UBE2A: variants seen among roughly 807,000 people sequenced by gnomAD.
UBE2A encodes the protein ubiquitin-conjugating enzyme E2 A.
For missense variants in UBE2A, 27 were observed against 125.8 expected, an observed-to-expected ratio of 0.21 and a Z score of 3.76; for synonymous variants, 39 against 41.1, an observed-to-expected ratio of 0.95 and a Z score of 0.20.
chrX:119,582,449 T>C (rs2053455957), intron 4 of UBE2A, 139 bp from the exon 5 acceptor site: 1 of 425,745 alleles, frequency 2.3e-6, no homozygotes, highest in African/African-American at 2.5e-5. Context: ...GACTTATCTT[T>C]TTAGGCAGTT....
At chrX:119,583,049 A>C (rs1279496305) in intron 5 of UBE2A, 78 bp from the exon 6 acceptor site, 12 of 1,144,077 alleles carry the variant, frequency 1.0e-5, no homozygotes, top group Non-Finnish European at 1.4e-5. Context: ...TACTTAGGAC[A>C]ATTCAATTGA....
At position 119,583,581 on chromosome X, in the gene UBE2A, G is replaced by A. The variant is rs780987698; in HGVS notation, c.*326G>A. On this transcript the variant is annotated 3_prime_UTR_variant, in exon 6 of 6. Transcript: ENST00000371558. ...TTTAAGATGAATTGTTATACAAGAGGTGCTTATGCTTAGCTTGATGACCAG... is the reference window on the plus strand; with the variant it reads ...TTTAAGATGAATTGTTATACAAGAGATGCTTATGCTTAGCTTGATGACCAG... 4.1e-6 allele frequency: 1 copy of A among 243,755 alleles called. No individual in the cohort carries two copies. Among genetic ancestry groups the A allele is most frequent in the South Asian group, 6.3e-5 (1 of 15,949 alleles). The allele number at this position is 243,755 out of a possible 1,213,427, so 20.1% of individuals were successfully genotyped here.
intron 3 of UBE2A, chrX:119,581,289 G>A: frequency 6.3e-6 from 2 of 317,674 alleles, no homozygotes; most frequent in Non-Finnish European, 5.6e-6. Flanking sequence ...TATGATGGCT[G>A]TCTCCAAGTT....
Position 119,583,782 on chromosome X carries a change from A to T in UBE2A, c.*527A>T, listed in dbSNP as rs764736882. On this transcript the variant is annotated 3_prime_UTR_variant, in exon 6 of 6. Transcript: ENST00000371558. ...AAAAATCCTGTGATACTAAGATCTC[A>T]GTCATATGAATTACAACGTAGTATT... is the stretch of plus-strand genomic sequence containing the variant. The T allele has an allele frequency of 8.2e-6, 1 of 121,847 alleles. No homozygotes were observed. Among genetic ancestry groups the T allele is most frequent in the Non-Finnish European group, 1.7e-5 (1 of 59,063 alleles). The allele number at this position is 121,847 out of a possible 1,213,427, so 10.0% of individuals were successfully genotyped here.
At chrX:119,575,673 T>C (rs1363318475) in intron 3 of UBE2A, 4 of 344,284 alleles carry the variant, frequency 1.2e-5, no homozygotes, top group Admixed American at 4.6e-5. Context: ...TTAAGGATTT[T>C]TGAGGCTTGG....
At chrX:119,575,149 G>T in intron 2 of UBE2A, 168 bp downstream of exon 2, 2 of 766,991 alleles carry the variant, frequency 2.6e-6, no homozygotes. Flanking sequence ...CTCAGTTCCC[G>T]CTGCCAGGGG....
At chrX:119,576,268 C>T (rs188561169) in intron 3 of UBE2A, among the ~76,000 whole-genome samples, 97 of 111,714 alleles carry the variant, frequency 8.7e-4, no homozygotes, top group African/African-American at 3.1e-3. Flanking sequence ...CCCAAACCCT[C>T]CCATTTGGTA....
At position 119,583,625 on chromosome X, in the gene UBE2A, A is replaced by G. The variant is rs1036914257; in HGVS notation, c.*370A>G. 3.5e-5 allele frequency: 7 copies of G among 202,000 alleles called. No individual in the cohort carries two copies. Among genetic ancestry groups the G allele is most frequent in the African/African-American group, 1.8e-4 (6 of 33,657 alleles). The allele number at this position is 202,000 out of a possible 1,213,427, so 16.6% of individuals were successfully genotyped here. On this transcript the variant is annotated 3_prime_UTR_variant, in exon 6 of 6. Coordinates refer to ENST00000371558, the MANE Select transcript of UBE2A (RefSeq NM_003336.4). ...TGACCAGGATGTTATTTTTAACAAA[A>G]TGATTGCTGAAGTGTTTCATCCTGG...
chrX:119,580,138 G>A (rs2053441322), intron 3 of UBE2A, among the ~76,000 whole-genome samples: 2 of 111,492 alleles, frequency 1.8e-5, no homozygotes, highest in South Asian at 7.5e-4. Context: ...CTTCAGGTCT[G>A]GCTTTGAAAA....
chrX:119,575,178 G>A, intron 2 of UBE2A, 197 bp downstream of exon 2: 1 of 746,166 alleles, frequency 1.3e-6, no homozygotes, highest in Admixed American at 2.7e-5. Context: ...TGGGGTTCTA[G>A]GGGGGCGGGG....
chrX:119,582,713 AAT>A lies in UBE2A; in HGVS notation c.330+40_330+41del, dbSNP rs764588536. On this transcript the variant is annotated intron_variant, in intron 5 of 5. Transcript: ENST00000371558. Reference sequence around the variant, plus strand: ...CTTAATGTGACGAACTATAACTTTTAATATGTTTATATTAGCAATTGAATTGT... The same window carrying A: ...CTTAATGTGACGAACTATAACTTTTAATGTTTATATTAGCAATTGAATTGT... The A allele has an allele frequency of 8.9e-6, 9 of 1,007,902 alleles. No homozygotes were observed. The Admixed American group carries it at 1.8e-4, about 20-fold the overall frequency. 83.1% of individuals were successfully genotyped at this position (1,007,902 alleles called of 1,213,427 possible). A position where few individuals can be genotyped will look rare whatever the true frequency, so the allele number is the denominator to read the frequency against.
At chrX:119,575,493 C>T (rs1266605198) in intron 3 of UBE2A, 93 bp downstream of exon 3, 1 of 1,099,417 alleles carries the variant, frequency 9.1e-7, no homozygotes, top group Non-Finnish European at 1.3e-6. Flanking sequence ...GCTTAGGAAC[C>T]TGCCTCTGCC....
chrX:119,574,827 C>T (rs2053403181), intron 1 of UBE2A, 72 bp downstream of exon 1: 2 of 1,187,997 alleles, frequency 1.7e-6, no homozygotes, highest in Non-Finnish European at 2.3e-6. Flanking sequence ...GCGCGCCGGG[C>T]GGGGAGGGCT....
At chrX:119,574,835 G>C (rs961219654) in intron 1 of UBE2A, 66 bp from the exon 2 acceptor site, 16 of 1,204,120 alleles carry the variant, frequency 1.3e-5, no homozygotes, top group Non-Finnish European at 1.7e-5. Context: ...GGCGGGGAGG[G>C]CTGGGGAGCG....
intron 1 of UBE2A, 25 bp downstream of exon 1, chrX:119,574,780 C>CG: frequency 4.2e-6 from 5 of 1,182,700 alleles, no homozygotes; most frequent in Non-Finnish European, 5.7e-6. Context: ...CGGCCGAGGC[C>CG]GGGGGTTGCG....
chrX:119,576,508 C>T (rs938908295), intron 3 of UBE2A, among the ~76,000 whole-genome samples: 65 of 110,652 alleles, frequency 5.9e-4, no homozygotes, highest in Non-Finnish European at 1.0e-3. Context: ...CATTTATACA[C>T]ACACACACAC....
chrX:119,581,376 C>A, intron 3 of UBE2A, 131 bp from the exon 4 acceptor site: 1 of 448,239 alleles, frequency 2.2e-6, no homozygotes, highest in Non-Finnish European at 3.9e-6. Flanking sequence ...TATTTCTTAC[C>A]TGGCCTTTCC....
In UBE2A at chrX:119,574,583, A is replaced by T; in HGVS notation, c.-129A>T. On this transcript the variant is annotated 5_prime_UTR_variant, in exon 1 of 6. Transcript: ENST00000371558. The stretch of plus-strand genomic sequence containing the variant: ...GCGCCAGACCGACCCTCGACTTCGG[A>T]GAGGCAGCGCGGTTCCTCTGGGTGC... 5 of 927,398 alleles carry T rather than the reference A, an allele frequency of 5.4e-6. No homozygotes were observed. The highest frequency in any genetic ancestry group is 7.5e-6 in the Non-Finnish European group (5 of 663,128). 76.4% of individuals were successfully genotyped at this position (927,398 alleles called of 1,213,427 possible). A position where few individuals can be genotyped will look rare whatever the true frequency, so the allele number is the denominator to read the frequency against.
intron 4 of UBE2A, 88 bp from the exon 5 acceptor site, chrX:119,582,500 A>G: frequency 1.4e-6 from 1 of 698,211 alleles, no homozygotes. Context: ...TTCAAAAGCA[A>G]AGTATTCTTG....
Sources: allele counts gnomAD v4.1 joint callset (sites outside exome capture counted in the v4.1 genomes callset), GRCh38; gene constraint gnomAD v4.1.1; transcripts MANE v1.5; gene names NCBI Gene and HGNC (gene_info 2026-07-23, HGNC 2026-07-21).